ABCC1: variants seen among roughly 807,000 people sequenced by gnomAD.
The protein encoded by ABCC1 is multidrug resistance-associated protein 1.
ABCC1 carries 83 observed loss-of-function variants against 172.9 expected under a neutral mutation model. That is an observed-to-expected ratio of 0.48 (90% confidence interval 0.40 to 0.58). The LOEUF (loss-of-function observed/expected upper bound fraction) is 0.58. Among genes scored for constraint, ABCC1 ranks in the 20% least tolerant of loss-of-function variants. ABCC1 has a pLI of 0.00. For missense variants in ABCC1, 1,817 were observed against 2,002.7 expected (o/e 0.91, Z 1.77); for synonymous variants, 937 against 825.2 (o/e 1.14, Z -2.32).
At chr16:16,103,440 C>CATGGTGGCAGGCGCCTGTAGTCCCAGCT in intron 20 of ABCC1, among the ~76,000 whole-genome samples, 1 of 151,966 alleles carries the variant, frequency 6.6e-6, no homozygotes, top group South Asian at 2.1e-4. Context: ...ATTAGCCAGG[C>CATGGTGGCAGGCGCCTGTAGTCCCAGCT]ATGGTGGCAG....
chr16:16,012,671 C>G (rs1395205384), intron 3 of ABCC1, among the ~76,000 whole-genome samples: 1 of 151,068 alleles, frequency 6.6e-6, no homozygotes, highest in African/African-American at 2.4e-5. Context: ...CCTCCCTTAA[C>G]ATTCCTTGTT....
chr16:16,046,021 A>G lies in ABCC1; in HGVS notation c.1218+8A>G, dbSNP rs35588. 509,286 of 1,612,758 alleles carry G rather than the reference A, an allele frequency of 0.32. 85,821 individuals carry two copies. Among genetic ancestry groups the G allele is most frequent in the African/African-American group, 0.63 (46,858 of 74,912 alleles). On this transcript the variant is annotated splice_region_variant and intron_variant, in intron 9 of 30. Transcript: ENST00000399410. ...GGGGCTGTCTATCGGAAGGTAGGGGACGCTGTGCCATTGGCATGTGGCCCG... is the reference window on the plus strand; with the variant it reads ...GGGGCTGTCTATCGGAAGGTAGGGGGCGCTGTGCCATTGGCATGTGGCCCG...
At chr16:16,091,898 T>G (rs985484984) in intron 19 of ABCC1, among the ~76,000 whole-genome samples, 3 of 152,220 alleles carry the variant, frequency 2.0e-5, no homozygotes, top group Non-Finnish European at 2.9e-5. Flanking sequence ...GCTCCTTCTC[T>G]GCAGAGGTCC....
intron 11 of ABCC1, among the ~76,000 whole-genome samples, chr16:16,055,582 A>G (rs973350042): frequency 2.0e-5 from 3 of 151,984 alleles, no homozygotes; most frequent in African/African-American, 7.2e-5. Flanking sequence ...AAAACAGAGA[A>G]GAAAAACACC....
At chr16:15,972,905 C>T (rs1043229351) in intron 1 of ABCC1, among the ~76,000 whole-genome samples, 1 of 144,076 alleles carries the variant, frequency 6.9e-6, no homozygotes, top group Non-Finnish European at 1.5e-5. Context: ...CTGAAGCTAT[C>T]CTCCCACCTT....
At chr16:16,121,225 G>A (rs2045142308) in intron 23 of ABCC1, among the ~76,000 whole-genome samples, 1 of 152,034 alleles carries the variant, frequency 6.6e-6, no homozygotes, top group Non-Finnish European at 1.5e-5. Flanking sequence ...TTTTATTTTT[G>A]TAGAGATGGC....
At chr16:15,996,714 A>C (rs1449670285) in intron 1 of ABCC1, among the ~76,000 whole-genome samples, 1 of 152,086 alleles carries the variant, frequency 6.6e-6, no homozygotes. Context: ...AGATGGGAGC[A>C]GTAAGGGTGT....
intron 25 of ABCC1, 94 bp downstream of exon 25, chr16:16,125,009 G>A (rs907526554): frequency 1.3e-6 from 2 of 1,568,808 alleles, no homozygotes; most frequent in Admixed American, 1.7e-5. Flanking sequence ...CAGGAATGGG[G>A]GAGAGGAACT....
chr16:16,070,131 C>T (rs1422230320), intron 13 of ABCC1, among the ~76,000 whole-genome samples: 2 of 152,174 alleles, frequency 1.3e-5, no homozygotes, highest in Non-Finnish European at 2.9e-5. Context: ...CCTGTAATCC[C>T]AGCACTGTGG....
intron 10 of ABCC1, 27 bp from the exon 11 acceptor site, chr16:16,052,697 G>A (rs1373016940): frequency 6.2e-7 from 1 of 1,609,670 alleles, no homozygotes; most frequent in South Asian, 1.1e-5. Context: ...TCTGGTGAGT[G>A]ATGAAGAGTC....
intron 1 of ABCC1, among the ~76,000 whole-genome samples, chr16:15,955,148 G>C (rs1385428961): frequency 6.6e-6 from 1 of 152,128 alleles, no homozygotes; most frequent in East Asian, 1.9e-4. Context: ...TTGAGGCCAG[G>C]AGTTTGAGAC....
intron 17 of ABCC1, 116 bp from the exon 18 acceptor site, chr16:16,086,708 G>A (rs2051021742): frequency 8.8e-7 from 1 of 1,136,704 alleles, no homozygotes; most frequent in African/African-American, 1.5e-5. Flanking sequence ...GTCTCAAGCA[G>A]TCCTTCCACC....
intron 15 of ABCC1, among the ~76,000 whole-genome samples, chr16:16,077,377 A>G (rs1334048507): frequency 1.3e-5 from 2 of 152,172 alleles, no homozygotes; most frequent in African/African-American, 4.8e-5. Context: ...GCCTGCTTCA[A>G]TTGTAGCTGT....
intron 1 of ABCC1, among the ~76,000 whole-genome samples, chr16:15,965,785 T>G (rs994136770): frequency 6.6e-6 from 1 of 151,278 alleles, no homozygotes; most frequent in African/African-American, 2.4e-5. Context: ...TCAGTAGAGA[T>G]GGGGTTTCAC....
intron 10 of ABCC1, among the ~76,000 whole-genome samples, chr16:16,050,631 G>A (rs764902419): frequency 1.3e-5 from 2 of 150,442 alleles, no homozygotes; most frequent in African/African-American, 2.5e-5. Flanking sequence ...GGTGGCATGC[G>A]CCTGTAATCC....
chr16:16,016,130 C>G (rs2047984165), intron 4 of ABCC1, among the ~76,000 whole-genome samples: 1 of 147,424 alleles, frequency 6.8e-6, no homozygotes, highest in Non-Finnish European at 1.5e-5. Context: ...CTGCCACCTG[C>G]TCTCAGAATG....
chr16:16,085,433 G>A (rs1182003199), intron 17 of ABCC1, among the ~76,000 whole-genome samples: 5 of 152,292 alleles, frequency 3.3e-5, no homozygotes, highest in East Asian at 1.9e-4. Flanking sequence ...GCTTTCTTAC[G>A]TGGTGAATGA....
At chr16:16,115,891 C>G (rs1284954663) in intron 23 of ABCC1, among the ~76,000 whole-genome samples, 1 of 151,256 alleles carries the variant, frequency 6.6e-6, no homozygotes, top group African/African-American at 2.4e-5. Flanking sequence ...GCCTTTCATT[C>G]TTTCTTTCTT....
chr16:16,100,865 C>T (rs1360745197), intron 19 of ABCC1, among the ~76,000 whole-genome samples: 2 of 152,170 alleles, frequency 1.3e-5, no homozygotes, highest in Non-Finnish European at 2.9e-5. Context: ...CCAAGGGGCA[C>T]AGCCAGGAAG....
Sources: allele counts gnomAD v4.1 joint callset (sites outside exome capture counted in the v4.1 genomes callset), GRCh38; gene constraint gnomAD v4.1.1; transcripts MANE v1.5; gene names NCBI Gene and HGNC (gene_info 2026-07-23, HGNC 2026-07-21).